Variants in PPP2R2B observed in about 807,000 individuals in gnomAD.
The protein encoded by PPP2R2B is protein phosphatase 2 regulatory subunit Bbeta.
In PPP2R2B, 5 loss-of-function variants were observed where a neutral mutation model predicts 46.0. The ratio of observed to expected loss-of-function variants is 0.11; its 90% confidence interval spans 0.06 to 0.23. The LOEUF is 0.23. PPP2R2B is among the 10% of genes least tolerant of loss of function. The pLI is 1.00. For missense variants in PPP2R2B, 367 were observed against 575.0 expected, an observed-to-expected ratio of 0.64 and a Z score of 3.70; for synonymous variants, 215 against 206.7, an observed-to-expected ratio of 1.04 and a Z score of -0.34.
At chr5:146,817,451 G>A (rs895670468) in intron 2 of PPP2R2B, among the ~76,000 whole-genome samples, 2 of 152,144 alleles carry the variant, frequency 1.3e-5, no homozygotes, top group African/African-American at 4.8e-5. Flanking sequence ...TATTTATAGT[G>A]TACAGTGTGA....
At chr5:146,966,234 C>T (rs557820591) in intron 1 of PPP2R2B, among the ~76,000 whole-genome samples, 29 of 152,136 alleles carry the variant, frequency 1.9e-4, no homozygotes, top group Non-Finnish European at 3.8e-4. Context: ...TTGAACACTG[C>T]CACCTAGTGG....
intron 1 of PPP2R2B, among the ~76,000 whole-genome samples, chr5:146,981,103 T>C (rs1264602449): frequency 6.6e-6 from 1 of 152,186 alleles, no homozygotes; most frequent in Non-Finnish European, 1.5e-5. Context: ...CACTAGAATT[T>C]TAAGTCCCAT....
intron 1 of PPP2R2B, among the ~76,000 whole-genome samples, chr5:146,922,032 G>T (rs912946652): frequency 5.9e-5 from 9 of 152,246 alleles, no homozygotes; most frequent in Admixed American, 5.2e-4. Flanking sequence ...TGACAGAACT[G>T]GGATTCATCC....
intron 2 of PPP2R2B, among the ~76,000 whole-genome samples, chr5:146,722,119 C>T (rs906404744): frequency 8.5e-5 from 13 of 152,174 alleles, no homozygotes; most frequent in African/African-American, 2.7e-4. Flanking sequence ...AGCCTTCTAA[C>T]ATAGGCAGTC....
At chr5:146,820,529 A>G (rs1758193158) in intron 2 of PPP2R2B, among the ~76,000 whole-genome samples, 1 of 152,218 alleles carries the variant, frequency 6.6e-6, no homozygotes, top group South Asian at 2.1e-4. Flanking sequence ...TTTAAAATGC[A>G]ATATAAAAGA....
intron 1 of PPP2R2B, among the ~76,000 whole-genome samples, chr5:146,906,961 T>C (rs377139868): frequency 1.2e-4 from 19 of 152,258 alleles, no homozygotes; most frequent in African/African-American, 3.9e-4. Context: ...AGTTACACTG[T>C]AGCAGGAGAC....
At position 147,081,034 on chromosome 5, in the gene PPP2R2B, A is replaced by T. The variant is rs1256773988; in HGVS notation, c.50+25T>A. On this transcript the variant is annotated intron_variant, in intron 2 of 10. Transcript: ENST00000394413. Reference sequence around the variant, plus strand: ...AGCACAAACTCCCAAGGAGGCAAGGAAAAGGGCATGGGGATTTCTCCTACC... The same window carrying T: ...AGCACAAACTCCCAAGGAGGCAAGGTAAAGGGCATGGGGATTTCTCCTACC... 3.3e-6 allele frequency: 5 copies of T among 1,527,722 alleles called. No individual in the cohort carries two copies. In the East Asian group the frequency reaches 1.2e-4, roughly 37 times the overall value. 94.6% of individuals were successfully genotyped at this position (1,527,722 alleles called of 1,614,324 possible). A position where few individuals can be genotyped will look rare whatever the true frequency, so the allele number is the denominator to read the frequency against.
At chr5:146,934,583 G>GAAAAAAAAAAAAAAAAAAAAAAAAAA (rs3062352) in intron 1 of PPP2R2B, among the ~76,000 whole-genome samples, 1 of 31,490 alleles carries the variant, frequency 3.2e-5, no homozygotes, top group African/African-American at 1.1e-4. Flanking sequence ...TTTTTCATAA[G>GAAAAAAAAAAAAAAAAAAAAAAAAAA]AAAAAAAAAA....
chr5:146,996,882 C>A (rs1015864418), intron 1 of PPP2R2B, among the ~76,000 whole-genome samples: 4 of 152,106 alleles, frequency 2.6e-5, no homozygotes, highest in Non-Finnish European at 5.9e-5. Context: ...TGGACCTTTC[C>A]AGATCCCCAG....
intron 8 of PPP2R2B, among the ~76,000 whole-genome samples, chr5:146,598,393 T>G (rs1771428380): frequency 6.6e-6 from 1 of 152,228 alleles, no homozygotes; most frequent in South Asian, 2.1e-4. Flanking sequence ...GGTCATATTT[T>G]CTGACCTCTT....
intron 2 of PPP2R2B, among the ~76,000 whole-genome samples, chr5:146,719,641 A>G (rs1780680455): frequency 1.3e-5 from 2 of 152,148 alleles, no homozygotes; most frequent in Non-Finnish European, 1.5e-5. Flanking sequence ...GATAAGGCAG[A>G]GCAAGGCTCC....
At chr5:146,899,925 G>A (rs1247232016) in intron 1 of PPP2R2B, among the ~76,000 whole-genome samples, 2 of 152,084 alleles carry the variant, frequency 1.3e-5, no homozygotes, top group African/African-American at 4.8e-5. Flanking sequence ...GTTTCCTGGA[G>A]GAAAACACAG....
At chr5:146,781,467 G>A (rs913288657) in intron 2 of PPP2R2B, among the ~76,000 whole-genome samples, 2 of 151,668 alleles carry the variant, frequency 1.3e-5, no homozygotes, top group Non-Finnish European at 2.9e-5. Context: ...TGGATATTTA[G>A]TTTACGTTAA....
At chr5:146,862,119 T>A (rs1263200056) in intron 2 of PPP2R2B, among the ~76,000 whole-genome samples, 7 of 152,170 alleles carry the variant, frequency 4.6e-5, no homozygotes, top group Non-Finnish European at 1.5e-5. Flanking sequence ...TCAGATCACA[T>A]CTTTTGACAT....
At chr5:146,694,300 A>C (rs1002496400) in intron 4 of PPP2R2B, among the ~76,000 whole-genome samples, 1 of 152,200 alleles carries the variant, frequency 6.6e-6, no homozygotes, top group Non-Finnish European at 1.5e-5. Context: ...ATCCTGCTGC[A>C]TACCGAACTG....
chr5:146,802,441 A>G (rs1419979070), intron 2 of PPP2R2B, among the ~76,000 whole-genome samples: 1 of 152,228 alleles, frequency 6.6e-6, no homozygotes, highest in African/African-American at 2.4e-5. Context: ...TGAGCACAAA[A>G]GAATTAGTAA....
chr5:146,882,977 C>A (rs569079423), upstream of PPP2R2B, among the ~76,000 whole-genome samples: 1 of 152,332 alleles, frequency 6.6e-6, no homozygotes, highest in African/African-American at 2.4e-5. Flanking sequence ...CCAACACTCA[C>A]ATACCCACTC....
At chr5:146,956,730 T>A (rs891460457) in intron 1 of PPP2R2B, among the ~76,000 whole-genome samples, 3 of 152,136 alleles carry the variant, frequency 2.0e-5, no homozygotes, top group Admixed American at 6.5e-5. Flanking sequence ...ACAACAAACA[T>A]TTACTTCTCA....
At chr5:147,061,010 G>C (rs1401121854) in intron 2 of PPP2R2B, among the ~76,000 whole-genome samples, 4 of 152,174 alleles carry the variant, frequency 2.6e-5, no homozygotes, top group Non-Finnish European at 5.9e-5. Flanking sequence ...GCCAGTGTGT[G>C]AAATTCACAA....
Sources: allele counts gnomAD v4.1 joint callset (sites outside exome capture counted in the v4.1 genomes callset), GRCh38; gene constraint gnomAD v4.1.1; transcripts MANE v1.5; gene names NCBI Gene and HGNC (gene_info 2026-07-23, HGNC 2026-07-21).